ZNF750: variants seen among roughly 807,000 people sequenced by gnomAD.
ZNF750 encodes the protein protein ZNF750.
A neutral mutation model predicts 31.6 loss-of-function variants in ZNF750; 10 were observed. The observed-to-expected ratio is 0.32, with a 90% confidence interval of 0.19 to 0.54. The LOEUF (loss-of-function observed/expected upper bound fraction) is 0.54. Among genes scored for constraint, ZNF750 ranks in the 20% least tolerant of loss-of-function variants. ZNF750 has a pLI of 0.95. For synonymous variants in ZNF750, 400 were observed against 404.9 expected (o/e 0.99, Z 0.15); for missense variants, 914 against 934.9 (o/e 0.98, Z 0.29).
Position 82,830,236 on chromosome 17 carries a change from C to G in ZNF750, c.2078G>C (p.Arg693Thr). The change falls in exon 3 of 3, where the codon AGG becomes ACG. Residue 693 changes from arginine (R) to threonine (T), a missense_variant. Physicochemically the swap from Arg to Thr is moderately conservative, Grantham distance 71. Around this residue, in one of 2 missense-constraint regions of ZNF750, gnomAD observed 880 missense variants for 868.9 expected, o/e 1.01. Coordinates refer to ENST00000269394, the MANE Select transcript of ZNF750 (RefSeq NM_024702.3). ...TCCTTGCTGGGATTTTCCAGCATCC[C>G]TTAGACTTGTCCTCTTTTGTCCTTT... ...RPKGQKRTSL[R>T]DAGKSQQGAK... 1 of 1,614,252 alleles carries G rather than the reference C, an allele frequency of 6.2e-7. No homozygotes were observed. Among genetic ancestry groups the G allele is most frequent in the Non-Finnish European group, 8.5e-7 (1 of 1,180,044 alleles).
At position 82,831,468 on chromosome 17, in the gene ZNF750, G is replaced by A; in HGVS notation, c.987C>T (p.Ser329=). 6.2e-7 allele frequency: 1 copy of A among 1,614,206 alleles called. No homozygotes were observed. Among genetic ancestry groups the A allele is most frequent in the African/African-American group, 1.3e-5 (1 of 75,050 alleles). Reference sequence around the variant, plus strand: ...CAGGTGGGAGTCTGAGACCATAGGAGGAAAATGCAGACTCTGGCCTGTAAA... The same window carrying A: ...CAGGTGGGAGTCTGAGACCATAGGAAGAAAATGCAGACTCTGGCCTGTAAA... ...YGFYRPESAF[S]SYGLRLPPVT... is the part of the protein sequence containing the mutation. Residue 329 remains serine (S), a synonymous_variant, in exon 2 of 3, where the codon TCC becomes TCT. Coordinates refer to ENST00000269394, the MANE Select transcript of ZNF750 (RefSeq NM_024702.3). This position sits in a 1 kb window ranked among gnomAD's most constrained non-coding sequence, Gnocchi z 4.6.
intron 1 of ZNF750, chr17:82,838,576 A>G (rs1050082683): frequency 1.3e-5 from 11 of 835,952 alleles, no homozygotes; most frequent in Non-Finnish European, 1.6e-5. Flanking sequence ...TAACTCAAGG[A>G]CACACCATTG....
chr17:82,834,111 A>AT (rs35521442), intron 1 of ZNF750, among the ~76,000 whole-genome samples: 2 of 151,740 alleles, frequency 1.3e-5, no homozygotes, highest in Non-Finnish European at 2.9e-5. Context: ...TGCCCAGCTA[A>AT]TTTTTTTTGT....
chr17:82,836,967 G>GAAGGGA (rs1432492233), intron 1 of ZNF750, among the ~76,000 whole-genome samples: 1 of 152,290 alleles, frequency 6.6e-6, no homozygotes, highest in African/African-American at 2.4e-5. Flanking sequence ...TCAATTGCTC[G>GAAGGGA]AAGGGAATTG....
chr17:82,835,802 A>G lies in ZNF750; in HGVS notation c.-182-3166T>C, dbSNP rs2053921418. 6.6e-6 allele frequency among the ~76,000 whole-genome samples: 1 copy of G among 152,202 alleles called. No individual in the cohort carries two copies. The highest frequency in any genetic ancestry group is 1.5e-5 in the Non-Finnish European group (1 of 68,042). ...TCTATTAACATACTTTAAGTTCTTT[A>G]AGACATTTATTTACTAAGAAGTGGT... On this transcript the variant is annotated intron_variant, in intron 1 of 2. Transcript: ENST00000269394. The surrounding 1 kb of genome is among the most constrained non-coding windows in gnomAD (Gnocchi z 4.5).
intron 1 of ZNF750, among the ~76,000 whole-genome samples, chr17:82,834,648 A>G (rs567888688): frequency 1.5e-4 from 23 of 151,712 alleles, no homozygotes; most frequent in Non-Finnish European, 2.6e-4. Context: ...GGTCTCACCC[A>G]TAAGTGGGAG....
At chr17:82,836,156 C>T (rs958901378) in intron 1 of ZNF750, among the ~76,000 whole-genome samples, 1 of 152,236 alleles carries the variant, frequency 6.6e-6, no homozygotes, top group African/African-American at 2.4e-5. Flanking sequence ...CAGACCTGCT[C>T]TGGGTGATGA....
chr17:82,832,613 C>A lies in ZNF750; in HGVS notation c.-159G>T. On this transcript the variant is annotated 5_prime_UTR_variant, in exon 2 of 3. Coordinates refer to ENST00000269394, the MANE Select transcript of ZNF750 (RefSeq NM_024702.3). The surrounding 1 kb of genome is among the most constrained non-coding windows in gnomAD (Gnocchi z 4.9). ...CTGCGTGCTGAGGGTCTGGCGAGAGCCTCCGTCATCTGGCGGCTGGGAGCT... is the reference window on the plus strand; with the variant it reads ...CTGCGTGCTGAGGGTCTGGCGAGAGACTCCGTCATCTGGCGGCTGGGAGCT... The A allele has an allele frequency of 1.4e-6, 1 of 691,776 alleles. No individual in the cohort carries two copies. The allele number at this position is 691,776 out of a possible 1,614,324, so 42.9% of individuals were successfully genotyped here. A position where few individuals can be genotyped will look rare whatever the true frequency, so the allele number is the denominator to read the frequency against.
At position 82,830,731 on chromosome 17, in the gene ZNF750, T is replaced by C. The variant is rs753255953; in HGVS notation, c.1583A>G (p.His528Arg). The change falls in exon 3 of 3, where the codon CAC (histidine) becomes CGC (arginine). Residue 528 changes from histidine (H) to arginine (R), a missense_variant. This residue lies in a region of ZNF750 where 880 missense variants were observed against 868.9 expected (regional missense o/e 1.01). Coordinates refer to ENST00000269394, the MANE Select transcript of ZNF750 (RefSeq NM_024702.3). ...GGGGCTGCCTTGGTACGTGGGTTCGTGGGTGGCTGCCAGGTTTATCTCTGA... is the reference window on the plus strand; with the variant it reads ...GGGGCTGCCTTGGTACGTGGGTTCGCGGGTGGCTGCCAGGTTTATCTCTGA... ...KKSEINLAAT[H>R]EPTYQGSPQA... 14 of 1,613,800 alleles carry C rather than the reference T, an allele frequency of 8.7e-6. 1 individual carries two copies. The South Asian group carries it at 1.5e-4, about 18-fold the overall frequency.
chr17:82,838,239 C>A (rs940980128), intron 1 of ZNF750, among the ~76,000 whole-genome samples: 8 of 151,992 alleles, frequency 5.3e-5, no homozygotes, highest in Non-Finnish European at 1.0e-4. Flanking sequence ...ACAGTTAATG[C>A]AGCAGACAGT....
chr17:82,829,876 A>T lies in ZNF750; in HGVS notation c.*266T>A. On this transcript the variant is annotated 3_prime_UTR_variant, in exon 3 of 3. Transcript: ENST00000269394. ...ACATTTATAAAAGATCTTCTGTAAG[A>T]CAGCTTAGACTTGAAAATACATATC... 1.9e-6 allele frequency: 1 copy of T among 528,590 alleles called. No homozygotes were observed. Among genetic ancestry groups the T allele is most frequent in the South Asian group, 2.6e-5 (1 of 38,694 alleles). The allele number at this position is 528,590 out of a possible 1,614,324, so 32.7% of individuals were successfully genotyped here.
At position 82,831,001 on chromosome 17, in the gene ZNF750, A is replaced by G. The variant is rs763705891; in HGVS notation, c.1436+18T>C. 1 of 1,613,980 alleles carries G rather than the reference A, an allele frequency of 6.2e-7. No individual in the cohort carries two copies. The highest frequency in any genetic ancestry group is 8.5e-7 in the Non-Finnish European group (1 of 1,180,016). On this transcript the variant is annotated intron_variant, in intron 2 of 2. Coordinates refer to ENST00000269394, the MANE Select transcript of ZNF750 (RefSeq NM_024702.3). The surrounding 1 kb of genome is among the most constrained non-coding windows in gnomAD (Gnocchi z 4.6). ...CAGAAACATTCCCTTGGAGGTTTTG[A>G]AAATGACATTTTCTTACCTTACTGG...
intron 1 of ZNF750, among the ~76,000 whole-genome samples, chr17:82,836,195 G>A (rs1319598385): frequency 6.6e-6 from 1 of 152,274 alleles, no homozygotes; most frequent in African/African-American, 2.4e-5. Flanking sequence ...CCTTCAGGAA[G>A]TAGAGAAGCC....
chr17:82,830,596 C>G lies in ZNF750; in HGVS notation c.1718G>C (p.Arg573Pro). ...AACAGCAGCAGCAGGTTCTGCAGCTCGTGGTCGACCGGGGAAGGCAGGCCT... is the reference window on the plus strand; with the variant it reads ...AACAGCAGCAGCAGGTTCTGCAGCTGGTGGTCGACCGGGGAAGGCAGGCCT... ...APRPAFPGRP[R>P]AAEPAAAVPQ... is the part of the protein sequence containing the mutation. Residue 573 changes from arginine (R) to proline (P), a missense_variant, in exon 3 of 3, where the codon CGA (arginine) becomes CCA (proline). Arg to Pro is a moderately radical substitution (Grantham distance 103). Coordinates refer to ENST00000269394, the MANE Select transcript of ZNF750 (RefSeq NM_024702.3). 1 of 1,614,020 alleles carries G rather than the reference C, an allele frequency of 6.2e-7. No individual in the cohort carries two copies. Among genetic ancestry groups the G allele is most frequent in the South Asian group, 1.1e-5 (1 of 91,078 alleles).
chr17:82,830,948 A>G, intron 2 of ZNF750, 71 bp from the exon 3 acceptor site: 2 of 1,613,314 alleles, frequency 1.2e-6, no homozygotes. Flanking sequence ...AGTGTGAGCA[A>G]GTATAAGCCT....
chr17:82,836,699 C>A (rs191474766), intron 1 of ZNF750, among the ~76,000 whole-genome samples: 42 of 140,168 alleles, frequency 3.0e-4, no homozygotes, highest in East Asian at 1.6e-3. Context: ...AAAAAAAAAA[C>A]AAAACAAAAC....
chr17:82,838,828 C>T (rs2054207360), intron 1 of ZNF750: 1 of 985,416 alleles, frequency 1.0e-6, no homozygotes. Context: ...GAGTTACAGA[C>T]CTGAGCTCGT....
chr17:82,838,975 C>T lies in ZNF750; in HGVS notation c.-183+952G>A. On this transcript the variant is annotated intron_variant, in intron 1 of 2. Transcript: ENST00000269394. ...ACTGTGCTTGGTCAGTAATTGTTCT[C>T]CTCCAAATCAAGTTTATGAGAAATT... 6 of 985,318 alleles carry T rather than the reference C, an allele frequency of 6.1e-6. No homozygotes were observed. The South Asian group carries it at 1.4e-4, about 23-fold the overall frequency. 61.0% of individuals were successfully genotyped at this position (985,318 alleles called of 1,614,324 possible). A position where few individuals can be genotyped will look rare whatever the true frequency, so the allele number is the denominator to read the frequency against.
chr17:82,836,262 C>T lies in ZNF750; in HGVS notation c.-182-3626G>A, dbSNP rs567079485. Among the ~76,000 whole-genome samples the T allele has an allele frequency of 5.9e-5, 9 of 152,352 alleles. No homozygotes were observed. The East Asian group carries it at 1.7e-3, about 29-fold the overall frequency. Reference sequence around the variant, plus strand: ...GCCAGCTCAGTCAGTGGGGCCTGTGCCGGCATGCCTCGCCGCGCTCCCTGG... The same window carrying T: ...GCCAGCTCAGTCAGTGGGGCCTGTGTCGGCATGCCTCGCCGCGCTCCCTGG... On this transcript the variant is annotated intron_variant, in intron 1 of 2. Coordinates refer to ENST00000269394, the MANE Select transcript of ZNF750 (RefSeq NM_024702.3).
Sources: gnomAD v4.1 joint callset for allele counts (sites outside exome capture counted in the v4.1 genomes callset) on GRCh38, gnomAD v4.1.1 for gene constraint, gnomAD v4.1.1 regional missense constraint, Gnocchi (gnomAD v3.1) non-coding constraint, MANE v1.5 for transcripts, NCBI Gene and HGNC (gene_info 2026-07-23, HGNC 2026-07-21) for gene names.